DNAH12: variants seen among roughly 807,000 people sequenced by gnomAD.
DNAH12 encodes axonemal beta dynein heavy chain 12.
DNAH12 carries 285 observed loss-of-function variants against 371.5 expected under a neutral mutation model. The ratio of observed to expected loss-of-function variants is 0.77; its 90% confidence interval spans 0.70 to 0.85. The LOEUF is 0.85. Among genes scored for constraint, DNAH12 ranks in the 40% least tolerant of loss-of-function variants. The pLI, the probability that DNAH12 is intolerant of heterozygous loss-of-function variation, is 0.00. For synonymous variants in DNAH12, 1,200 were observed against 1,213.0 expected, an observed-to-expected ratio of 0.99 and a Z score of 0.22; for missense variants, 3,611 against 3,689.4, an observed-to-expected ratio of 0.98 and a Z score of 0.55.
chr3:57,525,748 G>A (rs1216624297), intron 2 of DNAH12, among the ~76,000 whole-genome samples: 1 of 101,170 alleles, frequency 9.9e-6, no homozygotes, highest in Non-Finnish European at 2.1e-5. Flanking sequence ...CAAATAGTAT[G>A]TCTTATTCTT....
chr3:57,518,906 T>A (rs781638364), intron 4 of DNAH12, among the ~76,000 whole-genome samples: 1 of 151,826 alleles, frequency 6.6e-6, no homozygotes, highest in Non-Finnish European at 1.5e-5. Context: ...AAGGAGAGAA[T>A]CATCCATGGA....
At chr3:57,481,661 C>T (rs1006141191) in intron 13 of DNAH12, among the ~76,000 whole-genome samples, 5 of 152,304 alleles carry the variant, frequency 3.3e-5, no homozygotes, top group African/African-American at 9.6e-5. Flanking sequence ...CGCTACCTGA[C>T]TTCAAACTGT....
intron 19 of DNAH12, among the ~76,000 whole-genome samples, chr3:57,460,638 C>A (rs537324492): frequency 1.4e-4 from 22 of 152,158 alleles, no homozygotes; most frequent in Admixed American, 4.6e-4. Flanking sequence ...TAATGTCCAG[C>A]CTTATGTCCT....
At chr3:57,551,334 C>G in the DNAH12 span, among the ~76,000 whole-genome samples, 3 of 151,906 alleles carry the variant, frequency 2.0e-5, no homozygotes, top group African/African-American at 4.8e-5. Context: ...TGCAGTGGCG[C>G]GATCTCGGCT....
In DNAH12 at chr3:57,510,950, T is replaced by G. The variant is rs763998091; in HGVS notation, c.309A>C (p.Val103=). 6.2e-7 allele frequency: 1 copy of G among 1,605,858 alleles called. No homozygotes were observed. Among genetic ancestry groups the G allele is most frequent in the Non-Finnish European group, 8.5e-7 (1 of 1,178,436 alleles). ...GAATAGGTACTAAAGGACTACTTTC[T>G]ACACATTGCTTCATATAAATATAGT... is the stretch of plus-strand genomic sequence containing the variant. ...GFNYIYMKQC[V]ESSPLVPIQQ... is the part of the protein sequence containing the mutation. The change falls in exon 5 of 74, where the codon GTA becomes GTC. Residue 103 remains valine (V), a synonymous_variant. Coordinates refer to ENST00000495027, the MANE Select transcript of DNAH12 (RefSeq NM_001366028.2).
At chr3:57,395,981 T>A (rs1007330984) in intron 43 of DNAH12, among the ~76,000 whole-genome samples, 4 of 150,408 alleles carry the variant, frequency 2.7e-5, no homozygotes, top group Admixed American at 6.6e-5. Context: ...ATTAAAAATT[T>A]AAAAATTTTA....
At position 57,333,372 on chromosome 3, in the gene DNAH12, C is replaced by T. The variant is rs563548583; in HGVS notation, c.9978+1093G>A. Among the ~76,000 whole-genome samples, 345 of 138,228 alleles carry T rather than the reference C, an allele frequency of 2.5e-3. 4 individuals are homozygous for T. In the South Asian group the frequency reaches 0.041, roughly 16 times the overall value. 90.7% of individuals were successfully genotyped at this position (138,228 alleles called of 152,430 possible). A position where few individuals can be genotyped will look rare whatever the true frequency, so the allele number is the denominator to read the frequency against. On this transcript the variant is annotated intron_variant, in intron 62 of 73. Coordinates refer to ENST00000495027, the MANE Select transcript of DNAH12 (RefSeq NM_001366028.2). ...TTTAGATGGAGTCTCGCTCTGTCAC[C>T]CAGGCTGTAGCGCAGTGGTGCGATC...
chr3:57,459,730 T>C lies in DNAH12; in HGVS notation c.2793A>G (p.Val931=). The C allele has an allele frequency of 6.5e-7, 1 of 1,540,496 alleles. No individual in the cohort carries two copies. Among genetic ancestry groups the C allele is most frequent in the Non-Finnish European group, 8.8e-7 (1 of 1,139,508 alleles). ...IQETIDEWLK[V]QAQWLYLEPI... ...GCTCTAAGTACAGCCATTGAGCTTG[T>C]ACTTTTAACCATTCATCAATTGTTT... Residue 931 remains valine, a synonymous_variant, in exon 20 of 74, where the codon GTA becomes GTG. Transcript: ENST00000495027.
At chr3:57,392,285 TTTACC>T (rs1450247803) in intron 44 of DNAH12, among the ~76,000 whole-genome samples, 2 of 152,200 alleles carry the variant, frequency 1.3e-5, no homozygotes, top group Non-Finnish European at 2.9e-5. Flanking sequence ...CTGCCAAGAA[TTTACC>T]TTAAAGATAA....
At chr3:57,370,069 TG>T (rs1344899628) in intron 55 of DNAH12, among the ~76,000 whole-genome samples, 33 of 152,214 alleles carry the variant, frequency 2.2e-4, no homozygotes, top group Non-Finnish European at 4.3e-4. Flanking sequence ...TTGAGATCTT[TG>T]AGCAGTCTGA....
In DNAH12 at chr3:57,461,641, C is replaced by T; in HGVS notation, c.2584G>A (p.Asp862Asn). The T allele has an allele frequency of 1.3e-6, 2 of 1,551,118 alleles. No homozygotes were observed. The highest frequency in any genetic ancestry group is 1.7e-6 in the Non-Finnish European group (2 of 1,146,816). ...AMNTMIGTWE[D>N]IAFHISLYRD... ...TACAGACTTATATGAAAAGCAATAT[C>T]TTCCCAAGTTCCTATCATTGTATTC... The change falls in exon 19 of 74, where the codon GAT becomes AAT. Residue 862 changes from aspartate to asparagine, a missense_variant. Asp to Asn is a conservative substitution (Grantham distance 23, BLOSUM62 1). Around this residue, in one of 3 missense-constraint regions of DNAH12, gnomAD observed 1,314 missense variants for 1,398.7 expected, o/e 0.94. Transcript: ENST00000495027.
intron 69 of DNAH12, among the ~76,000 whole-genome samples, chr3:57,302,529 GTATA>G (rs71088055): frequency 0.094 from 4,492 of 47,542 alleles, 217 homozygotes; most frequent in South Asian, 0.13. Flanking sequence ...GGCATCAGGT[GTATA>G]TATATATATA....
Position 57,544,204 on chromosome 3 carries a change from T to C in DNAH12, c.-41A>G, listed in dbSNP as rs1208689193. 1 of 152,212 alleles carries C rather than the reference T, an allele frequency of 6.6e-6. No individual in the cohort carries two copies. Among genetic ancestry groups the C allele is most frequent in the Non-Finnish European group, 1.5e-5 (1 of 68,058 alleles). 9.4% of individuals were successfully genotyped at this position (152,212 alleles called of 1,614,324 possible). A position where few individuals can be genotyped will look rare whatever the true frequency, so the allele number is the denominator to read the frequency against. Reference sequence around the variant, plus strand: ...ACAGCAGAGAACAAGTACCTGATTGTTTCTCACTACTTCCCCGCTGCGCAG... The same window carrying C: ...ACAGCAGAGAACAAGTACCTGATTGCTTCTCACTACTTCCCCGCTGCGCAG... On this transcript the variant is annotated 5_prime_UTR_variant, in exon 1 of 74. Transcript: ENST00000495027.
chr3:57,453,439 C>T (rs1422577563), intron 23 of DNAH12, 36 bp from the exon 24 acceptor site: 1 of 1,457,322 alleles, frequency 6.9e-7, no homozygotes, highest in South Asian at 1.4e-5. Flanking sequence ...TAATTGATGT[C>T]ACATCATACT....
intron 62 of DNAH12, among the ~76,000 whole-genome samples, chr3:57,334,016 A>T (rs200251756): frequency 1.4e-5 from 1 of 71,764 alleles, no homozygotes; most frequent in Non-Finnish European, 2.5e-5. Context: ...AAAGAACCAA[A>T]CAAATTTTTT....
At chr3:57,369,735 T>C (rs1469661258) in intron 55 of DNAH12, among the ~76,000 whole-genome samples, 1 of 152,188 alleles carries the variant, frequency 6.6e-6, no homozygotes, top group Non-Finnish European at 1.5e-5. Context: ...AGCCCCTGTT[T>C]AAAGAGATAT....
intron 35 of DNAH12, among the ~76,000 whole-genome samples, chr3:57,424,341 C>T (rs550197686): frequency 1.8e-3 from 270 of 150,572 alleles, no homozygotes; most frequent in Non-Finnish European, 2.6e-3. Flanking sequence ...TGTGGCAGTG[C>T]GCACCTGTAA....
chr3:57,294,002 G>A (rs2107635304), intron 73 of DNAH12, 31 bp from the exon 74 acceptor site: 1 of 1,412,418 alleles, frequency 7.1e-7, no homozygotes, highest in Non-Finnish European at 9.3e-7. Flanking sequence ...ATATTCACTT[G>A]ATAAAGGGAA....
At chr3:57,434,427 A>C (rs1010163017) in intron 30 of DNAH12, among the ~76,000 whole-genome samples, 1 of 152,182 alleles carries the variant, frequency 6.6e-6, no homozygotes, top group Non-Finnish European at 1.5e-5. Flanking sequence ...CTGAGTGGTC[A>C]TGACGAGCAG....
Sources: allele counts gnomAD v4.1 joint callset (sites outside exome capture counted in the v4.1 genomes callset), GRCh38; gene constraint gnomAD v4.1.1; regional missense constraint gnomAD v4.1.1; transcripts MANE v1.5; gene names NCBI Gene and HGNC (gene_info 2026-07-23, HGNC 2026-07-21).